RALGAPA2: variants seen among roughly 807,000 people sequenced by gnomAD.
The protein encoded by RALGAPA2 is Ral GTPase activating protein catalytic subunit alpha 2, also known as ral GTPase-activating protein subunit alpha-2.
Under a neutral mutation model 230.4 loss-of-function variants are expected in RALGAPA2, and 139 were observed. That is an observed-to-expected ratio of 0.60 (90% CI 0.53 to 0.69). The LOEUF is 0.69. RALGAPA2 is among the 30% of genes least tolerant of loss of function. RALGAPA2 has a pLI of 0.00. For synonymous variants in RALGAPA2, 847 were observed against 837.8 expected (o/e 1.01, Z -0.19); for missense variants, 2,163 against 2,276.0 (o/e 0.95, Z 1.01).
chr20:20,691,230 C>T (rs1016465237), intron 1 of RALGAPA2, among the ~76,000 whole-genome samples: 9 of 152,148 alleles, frequency 5.9e-5, no homozygotes, highest in African/African-American at 2.2e-4. Context: ...ATCCAATAAC[C>T]CCACCACCTT....
intron 37 of RALGAPA2, among the ~76,000 whole-genome samples, chr20:20,432,969 A>G (rs6137030): frequency 0.058 from 8,853 of 152,260 alleles, 539 homozygotes; most frequent in African/African-American, 0.15. Flanking sequence ...CATCTGGCTC[A>G]CTCGTGAGCA....
At chr20:20,637,229 A>T in intron 8 of RALGAPA2, 134 bp downstream of exon 8, 1 of 718,622 alleles carries the variant, frequency 1.4e-6, no homozygotes, top group Non-Finnish European at 2.0e-6. Flanking sequence ...AACTTTAAAC[A>T]TTTAATAATA....
intron 39 of RALGAPA2, among the ~76,000 whole-genome samples, chr20:20,394,859 A>C (rs934085400): frequency 1.7e-5 from 2 of 121,022 alleles, no homozygotes; most frequent in Admixed American, 1.1e-4. Flanking sequence ...CCAGCCCACT[A>C]TGGTAATCAG....
intron 37 of RALGAPA2, among the ~76,000 whole-genome samples, chr20:20,429,192 T>C (rs1039942287): frequency 6.6e-6 from 1 of 152,190 alleles, no homozygotes; most frequent in East Asian, 1.9e-4. Flanking sequence ...ACCACCCAGC[T>C]AGCAATGAGC....
At position 20,625,658 on chromosome 20, in the gene RALGAPA2, GTTCTA is replaced by G. The variant is rs1433663559; in HGVS notation, c.1233+3700_1233+3704del. Among the ~76,000 whole-genome samples the G allele has an allele frequency of 7.9e-5, 12 of 152,134 alleles. No homozygotes were observed. The East Asian group carries it at 2.1e-3, about 27-fold the overall frequency. ...ACTTGAACTACACTGTGAAATATTTGTTCTATTCTATTTTATTCTGTTTCATTGTT... is the reference window on the plus strand; with the variant it reads ...ACTTGAACTACACTGTGAAATATTTGTTCTATTTTATTCTGTTTCATTGTT... On this transcript the variant is annotated intron_variant, in intron 10 of 39. Transcript: ENST00000202677.
intron 37 of RALGAPA2, among the ~76,000 whole-genome samples, chr20:20,446,701 C>A (rs1415402880): frequency 6.6e-6 from 1 of 152,238 alleles, no homozygotes; most frequent in Non-Finnish European, 1.5e-5. Context: ...AAATATTCCA[C>A]TGGGCCTGGT....
intron 37 of RALGAPA2, chr20:20,472,547 C>G (rs1053538093): frequency 2.3e-5 from 5 of 217,046 alleles, no homozygotes; most frequent in African/African-American, 1.2e-4. Context: ...GGCAAAATAC[C>G]TAAGAAGATA....
chr20:20,532,562 G>T (rs2063393733), intron 26 of RALGAPA2, among the ~76,000 whole-genome samples: 1 of 152,166 alleles, frequency 6.6e-6, no homozygotes, highest in Non-Finnish European at 1.5e-5. Context: ...AGCTCGGGGG[G>T]TCAGAAGGAG....
intron 19 of RALGAPA2, 58 bp from the exon 20 acceptor site, chr20:20,583,284 C>T: frequency 6.7e-7 from 1 of 1,489,964 alleles, no homozygotes; most frequent in Non-Finnish European, 9.1e-7. Context: ...TCAGAATGTT[C>T]ACAATTACTG....
intron 16 of RALGAPA2, among the ~76,000 whole-genome samples, chr20:20,596,903 G>A (rs1323907635): frequency 6.6e-6 from 1 of 152,152 alleles, no homozygotes; most frequent in Non-Finnish European, 1.5e-5. Flanking sequence ...CACTAGCACT[G>A]TCCCACTTGT....
At chr20:20,415,007 A>G (rs2060138182) in intron 37 of RALGAPA2, among the ~76,000 whole-genome samples, 1 of 152,254 alleles carries the variant, frequency 6.6e-6, no homozygotes, top group African/African-American at 2.4e-5. Context: ...ATATCCCCTT[A>G]GCTCTGGCAG....
At chr20:20,415,362 T>C (rs1174364946) in intron 37 of RALGAPA2, among the ~76,000 whole-genome samples, 2 of 152,268 alleles carry the variant, frequency 1.3e-5, no homozygotes, top group African/African-American at 2.4e-5. Context: ...ATACTAGCCA[T>C]GGCCCTTTTG....
chr20:20,452,914 G>A (rs1569413137), intron 37 of RALGAPA2, among the ~76,000 whole-genome samples: 1 of 152,172 alleles, frequency 6.6e-6, no homozygotes, highest in African/African-American at 2.4e-5. Context: ...CTGGGGTGGT[G>A]GGGAGCCGTG....
intron 37 of RALGAPA2, among the ~76,000 whole-genome samples, chr20:20,447,951 G>A (rs1310783571): frequency 6.6e-6 from 1 of 152,158 alleles, no homozygotes; most frequent in Non-Finnish European, 1.5e-5. Context: ...TGCCTTCCTT[G>A]TGCTCCAATT....
intron 3 of RALGAPA2, among the ~76,000 whole-genome samples, chr20:20,661,849 C>A (rs548105147): frequency 1.3e-5 from 2 of 152,162 alleles, no homozygotes; most frequent in Non-Finnish European, 2.9e-5. Context: ...AAAGTATTAA[C>A]AGGACAAAGG....
At position 20,707,087 on chromosome 20, in the gene RALGAPA2, C is replaced by A. The variant is rs577544369; in HGVS notation, c.106+5288G>T. On this transcript the variant is annotated intron_variant, in intron 1 of 39. Transcript: ENST00000202677. Reference sequence around the variant, plus strand: ...AGAACACCAAACTCATCTTCCCCGTCCTTGCCCAGGATCCCTTCCCCCTTC... The same window carrying A: ...AGAACACCAAACTCATCTTCCCCGTACTTGCCCAGGATCCCTTCCCCCTTC... Among the ~76,000 whole-genome samples the A allele has an allele frequency of 2.0e-5, 3 of 152,270 alleles. No homozygotes were observed. The East Asian group carries it at 5.8e-4, about 29-fold the overall frequency.
chr20:20,705,328 T>A (rs2069551135), intron 1 of RALGAPA2, among the ~76,000 whole-genome samples: 1 of 152,106 alleles, frequency 6.6e-6, no homozygotes, highest in Admixed American at 6.6e-5. Context: ...AGCCTCAGCC[T>A]CCCGAGGAGC....
chr20:20,695,972 A>AT (rs140853829), intron 1 of RALGAPA2, among the ~76,000 whole-genome samples: 50 of 147,334 alleles, frequency 3.4e-4, no homozygotes, highest in East Asian at 1.4e-3. Flanking sequence ...ACAGATCTCC[A>AT]TTTTTTTTTT....
At chr20:20,529,216 T>TAGCAATTCAAGCACAATTAGA (rs2063306346) in intron 27 of RALGAPA2, among the ~76,000 whole-genome samples, 1 of 152,194 alleles carries the variant, frequency 6.6e-6, no homozygotes, top group Non-Finnish European at 1.5e-5. Flanking sequence ...TCTGCTTTCT[T>TAGCAATTCAAGCACAATTAGA]AGCAATTCAA....
Sources: allele counts gnomAD v4.1 joint callset (sites outside exome capture counted in the v4.1 genomes callset), GRCh38; gene constraint gnomAD v4.1.1; transcripts MANE v1.5; gene names NCBI Gene and HGNC (gene_info 2026-07-23, HGNC 2026-07-21).